ACACB: variants seen among roughly 807,000 people sequenced by gnomAD.
ACACB encodes the protein acetyl-CoA carboxylase beta.
A neutral mutation model predicts 278.8 loss-of-function variants in ACACB; 209 were observed. The observed-to-expected ratio is 0.75, with a 90% CI of 0.67 to 0.84. The LOEUF (loss-of-function observed/expected upper bound fraction) is 0.84. Among genes scored for constraint, ACACB ranks in the 40% least tolerant of loss-of-function variants. ACACB has a pLI of 0.00. For synonymous variants in ACACB, 1,174 were observed against 1,285.6 expected, an observed-to-expected ratio of 0.91 and a Z score of 1.86; for missense variants, 2,850 against 3,269.0, an observed-to-expected ratio of 0.87 and a Z score of 3.13.
chr12:109,220,620 C>T (rs1277793234), intron 24 of ACACB, among the ~76,000 whole-genome samples: 1 of 152,114 alleles, frequency 6.6e-6, no homozygotes, highest in East Asian at 1.9e-4. Flanking sequence ...GGCGCAATCT[C>T]GGCTCACTAC....
At chr12:109,146,990 T>C (rs2043258662) in intron 2 of ACACB, among the ~76,000 whole-genome samples, 1 of 151,924 alleles carries the variant, frequency 6.6e-6, no homozygotes, top group Admixed American at 6.6e-5. Flanking sequence ...TTCACAATAA[T>C]TTTTCAACAA....
chr12:109,160,347 G>A (rs1041877168), intron 2 of ACACB, among the ~76,000 whole-genome samples: 5 of 152,058 alleles, frequency 3.3e-5, no homozygotes, highest in African/African-American at 1.2e-4. Flanking sequence ...TCTGAACCTC[G>A]GTTTCCTCAT....
chr12:109,241,920 G>A (rs1221477128), intron 36 of ACACB: 1 of 155,938 alleles, frequency 6.4e-6, no homozygotes, highest in African/African-American at 2.4e-5. Context: ...CCAAGTAGCT[G>A]GGACTACAGG....
Position 109,237,152 on chromosome 12 carries a change from G to C in ACACB, c.4447-13G>C, listed in dbSNP as rs1372462914. ...GTGTATGTGTCTGTCTTCTCTCTCT[G>C]GTCCGCCTACAGTTTGCAGAAGATC... On this transcript the variant is annotated splice_polypyrimidine_tract_variant and intron_variant, in intron 33 of 52. Transcript: ENST00000338432. The C allele has an allele frequency of 6.2e-7, 1 of 1,613,848 alleles. No individual in the cohort carries two copies. The highest frequency in any genetic ancestry group is 1.1e-5 in the South Asian group (1 of 91,066).
At chr12:109,227,198 G>C (rs2046337514) in intron 27 of ACACB, among the ~76,000 whole-genome samples, 173 bp from the exon 28 acceptor site, 1 of 152,120 alleles carries the variant, frequency 6.6e-6, no homozygotes, top group African/African-American at 2.4e-5. Flanking sequence ...TGACCTACCT[G>C]CCCTGGCCTT....
Position 109,199,747 on chromosome 12 carries a change from T to C in ACACB, c.2778+195T>C, listed in dbSNP as rs1018157454. Among the ~76,000 whole-genome samples the C allele has an allele frequency of 2.6e-5, 4 of 152,124 alleles. No individual in the cohort carries two copies. In the South Asian group the frequency reaches 8.3e-4, roughly 32 times the overall value. On this transcript the variant is annotated intron_variant, in intron 18 of 52. Coordinates refer to ENST00000338432, the MANE Select transcript of ACACB (RefSeq NM_001093.4). Reference sequence around the variant, plus strand: ...AAAAACTTCAGGCTGGGCGTGGTGGTTCACGCCTGTAATCCCAGCACTTTG... The same window carrying C: ...AAAAACTTCAGGCTGGGCGTGGTGGCTCACGCCTGTAATCCCAGCACTTTG...
At chr12:109,192,450 C>T (rs2044928340) in intron 15 of ACACB, among the ~76,000 whole-genome samples, 2 of 151,982 alleles carry the variant, frequency 1.3e-5, no homozygotes, top group South Asian at 4.1e-4. Flanking sequence ...GTTTGGGAAC[C>T]TGTCCCGTGC....
chr12:109,241,072 G>A lies in ACACB; in HGVS notation c.4819-6G>A. The A allele has an allele frequency of 6.2e-7, 1 of 1,613,178 alleles. No homozygotes were observed. Among genetic ancestry groups the A allele is most frequent in the Non-Finnish European group, 8.5e-7 (1 of 1,179,362 alleles). The stretch of plus-strand genomic sequence containing the variant: ...CTGAAACTGGAATTGCTGTGTTTTG[G>A]GGCAGATCGAGGAGTCCGTGCGCTA... On this transcript the variant is annotated splice_region_variant and splice_polypyrimidine_tract_variant and intron_variant, in intron 35 of 52. Coordinates refer to ENST00000338432, the MANE Select transcript of ACACB (RefSeq NM_001093.4).
intron 11 of ACACB, among the ~76,000 whole-genome samples, chr12:109,184,539 T>A (rs1370226662): frequency 6.6e-6 from 1 of 152,164 alleles, no homozygotes; most frequent in Non-Finnish European, 1.5e-5. Flanking sequence ...CATTAAATAT[T>A]TTCCCTGTTG....
At chr12:109,239,754 G>A in intron 34 of ACACB, 76 bp from the exon 35 acceptor site, 1 of 1,452,604 alleles carries the variant, frequency 6.9e-7, no homozygotes, top group East Asian at 2.5e-5. Flanking sequence ...CTGCCTCTTT[G>A]GGGCTGAGTT....
chr12:109,179,932 G>A lies in ACACB; in HGVS notation c.1663G>A (p.Ala555Thr). ...EFMEQCAIRL[A>T]KTVGYVSAGT... ...TTCTTCACAGTGTGCCATCCGCCTG[G>A]CCAAGACCGTGGGCTATGTGAGTGC... Residue 555 changes from alanine (A) to threonine (T), a missense_variant, in exon 11 of 53, where the codon GCC (alanine) becomes ACC (threonine). Around this residue, in one of 3 missense-constraint regions of ACACB, gnomAD observed 2,265 missense variants for 2,561.3 expected, o/e 0.88. Coordinates refer to ENST00000338432, the MANE Select transcript of ACACB (RefSeq NM_001093.4). The A allele has an allele frequency of 1.2e-6, 2 of 1,607,760 alleles. No homozygotes were observed. Among genetic ancestry groups the A allele is most frequent in the Non-Finnish European group, 1.7e-6 (2 of 1,174,768 alleles).
chr12:109,233,808 C>T lies in ACACB; in HGVS notation c.4200C>T (p.Ser1400=), dbSNP rs745686809. ...ANVPKDTPLF[S]EARTSLYSED... ...TGCCCAAAGACACCCCCCTCTTCAG[C>T]GAGGCCCGCACCTCCCTATACTCCG... is the stretch of plus-strand genomic sequence containing the variant. The change falls in exon 30 of 53, where the codon AGC becomes AGT. Residue 1400 remains serine (S), a synonymous_variant. Transcript: ENST00000338432. 6.2e-7 allele frequency: 1 copy of T among 1,614,178 alleles called. No individual in the cohort carries two copies. Among genetic ancestry groups the T allele is most frequent in the Non-Finnish European group, 8.5e-7 (1 of 1,180,028 alleles).
chr12:109,187,593 G>A (rs2044708243), intron 12 of ACACB, among the ~76,000 whole-genome samples: 1 of 151,854 alleles, frequency 6.6e-6, no homozygotes, highest in Non-Finnish European at 1.5e-5. Context: ...ACAAGTAGCT[G>A]GGACTACAGG....
chr12:109,235,290 T>C (rs959808081), intron 31 of ACACB, 23 bp from the exon 32 acceptor site: 3 of 1,606,764 alleles, frequency 1.9e-6, no homozygotes, highest in African/African-American at 1.3e-5. Context: ...AATATTCCAT[T>C]GTGTCTTTGG....
intron 35 of ACACB, 80 bp from the exon 36 acceptor site, chr12:109,240,998 C>T: frequency 1.4e-6 from 2 of 1,425,174 alleles, no homozygotes; most frequent in East Asian, 2.3e-5. Context: ...ATATCTCATC[C>T]TCTTATTAGT....
Position 109,233,960 on chromosome 12 carries a change from A to G in ACACB, c.4262A>G (p.His1421Arg). ...DCKSLREEPI[H>R]ILNVSIQCAD... is the part of the protein sequence containing the mutation. ...CAGAGCCTCAGAGAAGAGCCCATCCACATTCTGAATGTGTCCATCCAGTGT... is the reference window on the plus strand; with the variant it reads ...CAGAGCCTCAGAGAAGAGCCCATCCGCATTCTGAATGTGTCCATCCAGTGT... The change falls in exon 31 of 53, where the codon CAC becomes CGC. Residue 1421 changes from histidine to arginine, a missense_variant. Physicochemically the swap from His to Arg is conservative, Grantham distance 29. This residue lies in a region of ACACB where 2,265 missense variants were observed against 2,561.3 expected (regional missense o/e 0.88). Coordinates refer to ENST00000338432, the MANE Select transcript of ACACB (RefSeq NM_001093.4). 1 of 1,614,100 alleles carries G rather than the reference A, an allele frequency of 6.2e-7. No individual in the cohort carries two copies. Among genetic ancestry groups the G allele is most frequent in the Non-Finnish European group, 8.5e-7 (1 of 1,180,014 alleles).
intron 1 of ACACB, among the ~76,000 whole-genome samples, chr12:109,117,686 G>A (rs912441686): frequency 6.6e-6 from 1 of 152,148 alleles, no homozygotes; most frequent in African/African-American, 2.4e-5. Context: ...ATATCAATGG[G>A]CATCCATATA....
At chr12:109,164,440 C>T (rs553177525) in intron 2 of ACACB, among the ~76,000 whole-genome samples, 2 of 152,198 alleles carry the variant, frequency 1.3e-5, no homozygotes, top group African/African-American at 4.8e-5. Context: ...CCATATTGGC[C>T]GGGCTGGTCT....
intron 2 of ACACB, chr12:109,154,851 C>G (rs2043483516): frequency 6.5e-6 from 1 of 152,764 alleles, no homozygotes; most frequent in African/African-American, 2.4e-5. Flanking sequence ...ATGCTCTGCA[C>G]CCCTGCGGGA....
Sources: allele counts gnomAD v4.1 joint callset (sites outside exome capture counted in the v4.1 genomes callset), GRCh38; gene constraint gnomAD v4.1.1; regional missense constraint gnomAD v4.1.1; transcripts MANE v1.5; gene names NCBI Gene and HGNC (gene_info 2026-07-23, HGNC 2026-07-21).